TTC39B: variants seen among roughly 807,000 people sequenced by gnomAD.
TTC39B encodes tetratricopeptide repeat domain 39B.
In TTC39B, 92 loss-of-function variants were observed where a neutral mutation model predicts 96.6. That is an observed-to-expected ratio of 0.95 (90% CI 0.80 to 1.13). The LOEUF (loss-of-function observed/expected upper bound fraction) is 1.13, where lower values mean the gene tolerates loss of function less well. Among genes scored for constraint, TTC39B ranks in the 50% most tolerant of loss-of-function variants. TTC39B has a pLI of 0.00. For missense variants in TTC39B, 955 were observed against 809.3 expected, an observed-to-expected ratio of 1.18 and a Z score of -2.18; for synonymous variants, 367 against 299.4, an observed-to-expected ratio of 1.23 and a Z score of -2.33.
rs574868164 is a variant in TTC39B at position 15,240,226 on chromosome 9, T to G, written c.276-14214A>C. 5.9e-5 allele frequency among the ~76,000 whole-genome samples: 9 copies of G among 152,350 alleles called. No homozygotes were observed. The East Asian group carries it at 1.5e-3, about 26-fold the overall frequency. ...TTTGCCAGGCCTGTCACCAGTGCAT[T>G]CAGAATCAAAGGAATATACTTTCAA... On this transcript the variant is annotated intron_variant, in intron 2 of 19. Transcript: ENST00000512701.
intron 3 of TTC39B, 116 bp downstream of exon 3, chr9:15,225,801 C>T (rs544232166): frequency 1.1e-6 from 1 of 885,486 alleles, no homozygotes; most frequent in South Asian, 2.0e-5. Context: ...CTAGGCCTCT[C>T]CTGACCTCAT....
intron 2 of TTC39B, among the ~76,000 whole-genome samples, chr9:15,247,410 C>G (rs1822327532): frequency 6.6e-6 from 1 of 152,130 alleles, no homozygotes; most frequent in Non-Finnish European, 1.5e-5. Context: ...GCTATAATAT[C>G]TCTCCTGAAA....
chr9:15,262,345 C>A (rs1048030596), intron 2 of TTC39B, among the ~76,000 whole-genome samples: 2 of 152,122 alleles, frequency 1.3e-5, no homozygotes, highest in Non-Finnish European at 2.9e-5. Context: ...GTGATCCACC[C>A]ACCTCAGCCT....
chr9:15,190,863 C>A (rs1021760441), intron 10 of TTC39B, among the ~76,000 whole-genome samples: 10 of 152,060 alleles, frequency 6.6e-5, no homozygotes, highest in African/African-American at 2.4e-4. Flanking sequence ...ACCCTCTCTT[C>A]CCCCACCCCT....
At chr9:15,253,941 A>T (rs1822657212) in intron 2 of TTC39B, among the ~76,000 whole-genome samples, 2 of 152,152 alleles carry the variant, frequency 1.3e-5, no homozygotes, top group African/African-American at 4.8e-5. Flanking sequence ...ATCCCTGCAC[A>T]TGTGAACCTC....
At chr9:15,302,673 G>A (rs756899566) in intron 1 of TTC39B, among the ~76,000 whole-genome samples, 16 of 150,620 alleles carry the variant, frequency 1.1e-4, no homozygotes, top group Admixed American at 1.3e-4. Context: ...CTGAAACTCT[G>A]TTTCTACTAA....
At chr9:15,213,159 G>T (rs1385498174) in intron 4 of TTC39B, among the ~76,000 whole-genome samples, 1 of 152,062 alleles carries the variant, frequency 6.6e-6, no homozygotes, top group African/African-American at 2.4e-5. Flanking sequence ...TGAGAAAAGA[G>T]AAGGAGAGAC....
At chr9:15,170,083 T>A (rs1171484288) in exon 20 of TTC39B, 2 of 152,234 alleles carry the variant, frequency 1.3e-5, no homozygotes, top group East Asian at 3.8e-4. Context: ...AAATAATTTT[T>A]AATGTATTTT....
chr9:15,294,910 C>T (rs1395810962), intron 1 of TTC39B, among the ~76,000 whole-genome samples: 1 of 152,170 alleles, frequency 6.6e-6, no homozygotes, highest in Non-Finnish European at 1.5e-5. Flanking sequence ...ATCGCCATTT[C>T]TCTGGTGAAT....
chr9:15,303,675 C>A (rs1824671369), intron 1 of TTC39B, among the ~76,000 whole-genome samples: 1 of 151,868 alleles, frequency 6.6e-6, no homozygotes, highest in Middle Eastern at 3.4e-3. Flanking sequence ...TCTTGTTGCC[C>A]CCGCTGGAGT....
At chr9:15,181,804 T>C (rs1336430940) in intron 17 of TTC39B, among the ~76,000 whole-genome samples, 1 of 152,176 alleles carries the variant, frequency 6.6e-6, no homozygotes, top group Non-Finnish European at 1.5e-5. Context: ...CCTCTCTTCA[T>C]CTTTTTTGTC....
At position 15,302,688 on chromosome 9, in the gene TTC39B, A is replaced by G. The variant is rs1278507626; in HGVS notation, c.240+4396T>C. 2.0e-5 allele frequency among the ~76,000 whole-genome samples: 3 copies of G among 151,684 alleles called. No individual in the cohort carries two copies. In the South Asian group the frequency reaches 6.2e-4, roughly 32 times the overall value. On this transcript the variant is annotated intron_variant, in intron 1 of 19. Transcript: ENST00000512701. The stretch of plus-strand genomic sequence containing the variant: ...CTGAAACTCTGTTTCTACTAAAAAT[A>G]CAAAAATTAGCTGGGCATGGTGTTG...
chr9:15,167,017 TATATATATA>T lies in TTC39B; in HGVS notation c.*4993_*5001del, dbSNP rs1381853417. ...ATATATATATATATATATATATATA[TATATATATA>T]TATTTTTTTTTTTTTTTTTTTTTTT... On this transcript the variant is annotated 3_prime_UTR_variant, in exon 20 of 20. Coordinates refer to ENST00000512701, the Ensembl canonical transcript of TTC39B. 32 of 8,960 alleles carry T rather than the reference TATATATATA, an allele frequency of 3.6e-3. 1 individual carries two copies. The highest frequency in any genetic ancestry group is 4.7e-3 in the Non-Finnish European group (23 of 4,944). The allele number at this position is 8,960 out of a possible 1,614,324, so 0.6% of individuals were successfully genotyped here.
intron 8 of TTC39B, among the ~76,000 whole-genome samples, chr9:15,197,671 T>A (rs1406854104): frequency 6.6e-6 from 1 of 152,166 alleles, no homozygotes; most frequent in East Asian, 1.9e-4. Context: ...CACAAATTTC[T>A]CAAAACCACA....
chr9:15,254,737 T>C (rs1380595548), intron 2 of TTC39B, among the ~76,000 whole-genome samples: 26 of 152,008 alleles, frequency 1.7e-4, no homozygotes. Context: ...AAACTACACA[T>C]TATGGGTATA....
intron 2 of TTC39B, among the ~76,000 whole-genome samples, chr9:15,240,101 G>C (rs549552245): frequency 6.6e-6 from 1 of 152,192 alleles, no homozygotes; most frequent in Non-Finnish European, 1.5e-5. Context: ...GATGATCAGA[G>C]GAAGGAGGAG....
intron 6 of TTC39B, among the ~76,000 whole-genome samples, chr9:15,208,491 C>T (rs1282315294): frequency 6.6e-6 from 1 of 152,080 alleles, no homozygotes; most frequent in African/African-American, 2.4e-5. Context: ...AAGGAGAATA[C>T]AACAAAAAGG....
chr9:15,286,157 G>A (rs1434593750), intron 1 of TTC39B, among the ~76,000 whole-genome samples: 2 of 152,130 alleles, frequency 1.3e-5, no homozygotes, highest in African/African-American at 4.8e-5. Flanking sequence ...TTACACTATT[G>A]CCCACAATCC....
At chr9:15,305,769 T>A (rs960580807) in intron 1 of TTC39B, among the ~76,000 whole-genome samples, 5 of 151,222 alleles carry the variant, frequency 3.3e-5, no homozygotes, top group Admixed American at 2.0e-4. Flanking sequence ...ACAGTCCCAG[T>A]TTACACCTAT....
Sources: gnomAD v4.1 joint callset for allele counts (sites outside exome capture counted in the v4.1 genomes callset) on GRCh38, gnomAD v4.1.1 for gene constraint, MANE v1.5 for transcripts, NCBI Gene and HGNC (gene_info 2026-07-23, HGNC 2026-07-21) for gene names.